The following AKAP6 variants were observed in gnomAD, a reference collection of about 807,000 sequenced individuals.
The protein encoded by AKAP6 is A-kinase anchoring protein 6.
Under a neutral mutation model 188.5 loss-of-function variants are expected in AKAP6, and 58 were observed. That is an observed-to-expected ratio of 0.31 (90% CI 0.25 to 0.38). The LOEUF is 0.38. Among genes scored for constraint, AKAP6 ranks in the 10% least tolerant of loss-of-function variants. The pLI is 1.00. For synonymous variants in AKAP6, 989 were observed against 998.6 expected, an observed-to-expected ratio of 0.99 and a Z score of 0.18; for missense variants, 2,710 against 2,740.0, an observed-to-expected ratio of 0.99 and a Z score of 0.24.
In AKAP6 at chr14:32,353,974, G is replaced by A. The variant is rs538492946; in HGVS notation, c.-35+24566G>A. On this transcript the variant is annotated intron_variant, in intron 1 of 13. Coordinates refer to ENST00000280979, the MANE Select transcript of AKAP6 (RefSeq NM_004274.5). ...AAATAAAAAAGGATACAAACAAATG[G>A]AAGAACATTCCATGCTCATGGATAG... Among the ~76,000 whole-genome samples, 36 of 152,232 alleles carry A rather than the reference G, an allele frequency of 2.4e-4. 1 individual carries two copies. Among genetic ancestry groups the A allele is most frequent in the African/African-American group, 7.9e-4 (33 of 41,532 alleles).
At chr14:32,695,889 C>T (rs1890382658) in intron 8 of AKAP6, 101 bp from the exon 9 acceptor site, 1 of 1,367,206 alleles carries the variant, frequency 7.3e-7, no homozygotes, top group Non-Finnish European at 9.7e-7. Flanking sequence ...TTGTAGATAA[C>T]ACTAGAAACA....
At chr14:32,502,917 C>CA (rs1272349773) in intron 2 of AKAP6, among the ~76,000 whole-genome samples, 1 of 151,910 alleles carries the variant, frequency 6.6e-6, no homozygotes, top group Non-Finnish European at 1.5e-5. Flanking sequence ...AGTCATTTCA[C>CA]AAAAAATGTA....
At chr14:32,634,118 T>C (rs995164529) in intron 7 of AKAP6, among the ~76,000 whole-genome samples, 1 of 152,058 alleles carries the variant, frequency 6.6e-6, no homozygotes, top group Non-Finnish European at 1.5e-5. Flanking sequence ...AAAACTAGCT[T>C]CTGGATTCAG....
At chr14:32,742,019 G>A (rs1490379321) in intron 11 of AKAP6, among the ~76,000 whole-genome samples, 2 of 151,444 alleles carry the variant, frequency 1.3e-5, no homozygotes, top group African/African-American at 2.4e-5. Context: ...TTTCTTTACT[G>A]GGGGATTTTT....
intron 7 of AKAP6, among the ~76,000 whole-genome samples, chr14:32,643,132 A>G (rs567053266): frequency 3.9e-5 from 6 of 152,152 alleles, no homozygotes; most frequent in Admixed American, 1.3e-4. Flanking sequence ...GGACTCTATT[A>G]ATCATTGTGT....
intron 7 of AKAP6, among the ~76,000 whole-genome samples, chr14:32,642,805 C>A (rs1887816536): frequency 1.3e-5 from 2 of 152,066 alleles, no homozygotes; most frequent in Admixed American, 1.3e-4. Context: ...GTGTGATTCC[C>A]TATTAACATT....
intron 11 of AKAP6, among the ~76,000 whole-genome samples, chr14:32,758,027 A>G (rs1380811811): frequency 6.6e-6 from 1 of 152,208 alleles, no homozygotes; most frequent in African/African-American, 2.4e-5. Flanking sequence ...GAGTCTGTGT[A>G]TCTTGTCAAC....
At position 32,584,549 on chromosome 14, in the gene AKAP6, C is replaced by A. The variant is rs942503680; in HGVS notation, c.2469+7307C>A. Reference sequence around the variant, plus strand: ...TTTGACAATCTGACAAATATATACACCCATGAAACAATCACTGCAATTAAG... The same window carrying A: ...TTTGACAATCTGACAAATATATACAACCATGAAACAATCACTGCAATTAAG... On this transcript the variant is annotated intron_variant, in intron 5 of 13. Coordinates refer to ENST00000280979, the MANE Select transcript of AKAP6 (RefSeq NM_004274.5). 2.0e-5 allele frequency among the ~76,000 whole-genome samples: 3 copies of A among 152,090 alleles called. No homozygotes were observed. In the South Asian group the frequency reaches 6.2e-4, roughly 32 times the overall value.
chr14:32,547,624 G>A (rs552495584), intron 4 of AKAP6, among the ~76,000 whole-genome samples: 1 of 152,256 alleles, frequency 6.6e-6, no homozygotes, highest in South Asian at 2.1e-4. Context: ...ATGACGTAAT[G>A]TTTGAGGACA....
intron 11 of AKAP6, among the ~76,000 whole-genome samples, chr14:32,773,149 A>C (rs2032950379): frequency 1.3e-5 from 2 of 152,012 alleles, no homozygotes; most frequent in African/African-American, 4.8e-5. Context: ...GCTTTGGAAG[A>C]GGAATATTGC....
rs572601146 is a variant in AKAP6 at position 32,334,622 on chromosome 14, T to A, written c.-35+5214T>A. Among the ~76,000 whole-genome samples, 3 of 152,286 alleles carry A rather than the reference T, an allele frequency of 2.0e-5. No individual in the cohort carries two copies. The South Asian group carries it at 6.2e-4, about 32-fold the overall frequency. On this transcript the variant is annotated intron_variant, in intron 1 of 13. Coordinates refer to ENST00000280979, the MANE Select transcript of AKAP6 (RefSeq NM_004274.5). ...TATGTATAGGAAAAAACATAGTATA[T>A]GTAGGGTTTGGTGCTATCCATGGTT...
At chr14:32,685,620 A>C (rs1889886730) in intron 8 of AKAP6, among the ~76,000 whole-genome samples, 1 of 149,084 alleles carries the variant, frequency 6.7e-6, no homozygotes, top group Non-Finnish European at 1.5e-5. Context: ...GCTACTAGGG[A>C]GGCTGAGGCA....
chr14:32,647,248 T>C (rs1202245539), intron 7 of AKAP6, among the ~76,000 whole-genome samples: 2 of 152,148 alleles, frequency 1.3e-5, no homozygotes, highest in Middle Eastern at 3.2e-3. Flanking sequence ...TTTGTTCTTC[T>C]GTGCAAATTT....
intron 1 of AKAP6, among the ~76,000 whole-genome samples, chr14:32,389,714 G>A (rs567393820): frequency 8.5e-4 from 129 of 152,238 alleles, no homozygotes; most frequent in Middle Eastern, 3.4e-3. Flanking sequence ...TGATAAATCT[G>A]CTGTTAATCC....
At chr14:32,455,841 G>A (rs766682265) in intron 2 of AKAP6, among the ~76,000 whole-genome samples, 6 of 152,060 alleles carry the variant, frequency 3.9e-5, no homozygotes, top group Non-Finnish European at 7.4e-5. Context: ...AACCTACTTT[G>A]GAAGTACTGA....
At position 32,468,428 on chromosome 14, in the gene AKAP6, G is replaced by A. The variant is rs1777441452; in HGVS notation, c.324+34611G>A. 2.0e-5 allele frequency among the ~76,000 whole-genome samples: 3 copies of A among 152,236 alleles called. No individual in the cohort carries two copies. The South Asian group carries it at 6.2e-4, about 32-fold the overall frequency. On this transcript the variant is annotated intron_variant, in intron 2 of 13. Coordinates refer to ENST00000280979, the MANE Select transcript of AKAP6 (RefSeq NM_004274.5). ...TGCCTTGCTCTTTCATGTAGTAAAG[G>A]TTAGCCCACCTCTGTAAGTATAGCA...
At chr14:32,775,341 G>A (rs150961846) in intron 12 of AKAP6, among the ~76,000 whole-genome samples, 6 of 152,108 alleles carry the variant, frequency 3.9e-5, no homozygotes, top group African/African-American at 1.4e-4. Flanking sequence ...TTTGGAGGAG[G>A]CAAAGTTGTG....
chr14:32,351,981 G>T (rs947276820), intron 1 of AKAP6, among the ~76,000 whole-genome samples: 1 of 151,992 alleles, frequency 6.6e-6, no homozygotes, highest in Non-Finnish European at 1.5e-5. Context: ...TTTGTCTCCA[G>T]TACTCCCATG....
At chr14:32,660,112 G>A (rs1345203995) in intron 7 of AKAP6, among the ~76,000 whole-genome samples, 2 of 152,154 alleles carry the variant, frequency 1.3e-5, no homozygotes, top group East Asian at 1.9e-4. Context: ...AGACGTGAAT[G>A]TGTCCATTAA....
Sources: gnomAD v4.1 joint callset for allele counts (sites outside exome capture counted in the v4.1 genomes callset) on GRCh38, gnomAD v4.1.1 for gene constraint, MANE v1.5 for transcripts, NCBI Gene and HGNC (gene_info 2026-07-23, HGNC 2026-07-21) for gene names.